Variants in SLC10A7 observed in about 807,000 individuals in gnomAD.
SLC10A7 encodes sodium/bile acid cotransporter 7.
A neutral mutation model predicts 43.2 loss-of-function variants in SLC10A7; 29 were observed. The observed-to-expected ratio is 0.67, with a 90% confidence interval of 0.50 to 0.92. The LOEUF is 0.92. Among genes scored for constraint, SLC10A7 ranks in the 40% least tolerant of loss-of-function variants. SLC10A7 has a pLI of 0.00. For missense variants in SLC10A7, 295 were observed against 403.2 expected, an observed-to-expected ratio of 0.73 and a Z score of 2.30; for synonymous variants, 152 against 144.8, an observed-to-expected ratio of 1.05 and a Z score of -0.35.
In SLC10A7 at chr4:146,414,689, T is replaced by C. The variant is rs965039260; in HGVS notation, c.435+28094A>G. On this transcript the variant is annotated intron_variant, in intron 5 of 11. Transcript: ENST00000335472. The stretch of plus-strand genomic sequence containing the variant: ...AGTGGGCCGAGGTTATACCACTGCA[T>C]ACCAGCCTGGGAGAAAAAGCAAGAC... Among the ~76,000 whole-genome samples the C allele has an allele frequency of 4.0e-5, 6 of 149,284 alleles. No individual in the cohort carries two copies. In the Admixed American group the frequency reaches 4.0e-4, roughly 10 times the overall value.
chr4:146,320,464 G>A (rs1453643017), intron 6 of SLC10A7, among the ~76,000 whole-genome samples: 1 of 152,024 alleles, frequency 6.6e-6, no homozygotes, highest in African/African-American at 2.4e-5. Flanking sequence ...GGCCATTCCA[G>A]TGAAGAACTT....
Position 146,506,840 on chromosome 4 carries a change from T to C in SLC10A7, c.321-2916A>G, listed in dbSNP as rs116420595. ...CAATCTTTAGGAATACTTTCAAGTTTATATTTTTTAGCCCTAACTACAATT... is the reference window on the plus strand; with the variant it reads ...CAATCTTTAGGAATACTTTCAAGTTCATATTTTTTAGCCCTAACTACAATT... On this transcript the variant is annotated intron_variant, in intron 3 of 11. Coordinates refer to ENST00000335472, the MANE Select transcript of SLC10A7 (RefSeq NM_001029998.6). Among the ~76,000 whole-genome samples the C allele has an allele frequency of 3.3e-3, 504 of 152,316 alleles. 1 individual carries two copies. The highest frequency in any genetic ancestry group is 0.012 in the African/African-American group (486 of 41,568).
chr4:146,385,766 A>G (rs1385676261), intron 5 of SLC10A7, among the ~76,000 whole-genome samples: 1 of 152,108 alleles, frequency 6.6e-6, no homozygotes, highest in Non-Finnish European at 1.5e-5. Flanking sequence ...TCCCGACTCT[A>G]GTAGTCCCCA....
At chr4:146,424,830 G>A (rs532913444) in intron 5 of SLC10A7, among the ~76,000 whole-genome samples, 4 of 152,156 alleles carry the variant, frequency 2.6e-5, no homozygotes, top group South Asian at 2.1e-4. Flanking sequence ...ATATGAAGTT[G>A]TATTTATTTT....
intron 6 of SLC10A7, among the ~76,000 whole-genome samples, chr4:146,308,744 C>T (rs1731757089): frequency 6.6e-6 from 1 of 152,120 alleles, no homozygotes; most frequent in South Asian, 2.1e-4. Context: ...TAAGATACAG[C>T]ATGTTAAGCA....
intron 6 of SLC10A7, among the ~76,000 whole-genome samples, chr4:146,310,334 T>C (rs1731882899): frequency 6.6e-6 from 1 of 152,198 alleles, no homozygotes; most frequent in Non-Finnish European, 1.5e-5. Context: ...TTTGGATATA[T>C]ATGCAGTAAT....
At chr4:146,417,418 A>C (rs1336001838) in intron 5 of SLC10A7, among the ~76,000 whole-genome samples, 1 of 152,218 alleles carries the variant, frequency 6.6e-6, no homozygotes, top group Non-Finnish European at 1.5e-5. Context: ...CTATGTGGAG[A>C]ATAGAATGAA....
intron 4 of SLC10A7, among the ~76,000 whole-genome samples, chr4:146,457,079 C>T (rs1732128526): frequency 1.3e-5 from 2 of 151,878 alleles, no homozygotes; most frequent in African/African-American, 4.8e-5. Flanking sequence ...GCAAAAGCAG[C>T]CATAGGCAAT....
chr4:146,438,769 G>A (rs1359770520), intron 5 of SLC10A7, among the ~76,000 whole-genome samples: 1 of 151,920 alleles, frequency 6.6e-6, no homozygotes, highest in Admixed American at 6.6e-5. Context: ...TCTAAATTTA[G>A]TTTGGCGAAT....
chr4:146,342,164 T>C (rs1021963217), intron 5 of SLC10A7, among the ~76,000 whole-genome samples: 1 of 151,808 alleles, frequency 6.6e-6, no homozygotes, highest in African/African-American at 2.4e-5. Context: ...TTTTCCCACT[T>C]CTCTATATTT....
At chr4:146,471,884 C>T (rs74631756) in intron 4 of SLC10A7, among the ~76,000 whole-genome samples, 2 of 152,112 alleles carry the variant, frequency 1.3e-5, no homozygotes, top group African/African-American at 2.4e-5. Flanking sequence ...CATTAAAAAC[C>T]TTGACTAAAC....
chr4:146,260,462 G>C (rs1304178247), intron 10 of SLC10A7, among the ~76,000 whole-genome samples: 1 of 152,144 alleles, frequency 6.6e-6, no homozygotes, highest in Non-Finnish European at 1.5e-5. Context: ...GCTAACCCCA[G>C]ATTTGAGGAC....
chr4:146,303,890 T>A (rs1247582810), intron 7 of SLC10A7, among the ~76,000 whole-genome samples: 1 of 151,944 alleles, frequency 6.6e-6, no homozygotes, highest in Non-Finnish European at 1.5e-5. Context: ...ATTTAATAAA[T>A]TATGAACCTA....
At chr4:146,299,324 A>C (rs1267927192) in intron 7 of SLC10A7, among the ~76,000 whole-genome samples, 1 of 152,250 alleles carries the variant, frequency 6.6e-6, no homozygotes, top group Non-Finnish European at 1.5e-5. Context: ...GAGGTGACTC[A>C]GTGGATTAAA....
intron 2 of SLC10A7, chr4:146,515,129 G>A (rs759462514): frequency 4.8e-5 from 34 of 702,046 alleles, no homozygotes; most frequent in African/African-American, 1.6e-4. Context: ...TGGCTGCTTC[G>A]CAGAATCGCA....
chr4:146,333,704 A>T (rs966188787), intron 5 of SLC10A7, among the ~76,000 whole-genome samples: 20 of 152,280 alleles, frequency 1.3e-4, no homozygotes, highest in African/African-American at 4.6e-4. Context: ...CTAGTAATCC[A>T]TGGTAAGGAG....
At position 146,504,599 on chromosome 4, in the gene SLC10A7, G is replaced by A. The variant is rs1027902293; in HGVS notation, c.321-675C>T. Among the ~76,000 whole-genome samples, 5 of 151,794 alleles carry A rather than the reference G, an allele frequency of 3.3e-5. No individual in the cohort carries two copies. In the South Asian group the frequency reaches 1.0e-3, roughly 32 times the overall value. On this transcript the variant is annotated intron_variant, in intron 3 of 11. Coordinates refer to ENST00000335472, the MANE Select transcript of SLC10A7 (RefSeq NM_001029998.6). ...GTATATAGTCTTAGGTTATTTTTAGGTAAAGTGAAAAATATTTTCCCTACA... is the reference window on the plus strand; with the variant it reads ...GTATATAGTCTTAGGTTATTTTTAGATAAAGTGAAAAATATTTTCCCTACA...
intron 5 of SLC10A7, among the ~76,000 whole-genome samples, chr4:146,391,120 T>TA (rs1478718558): frequency 2.0e-5 from 3 of 152,154 alleles, no homozygotes; most frequent in South Asian, 4.1e-4. Flanking sequence ...CTTGACTTAT[T>TA]AAAAAAACTG....
At chr4:146,355,589 C>T (rs1262898981) in intron 5 of SLC10A7, among the ~76,000 whole-genome samples, 10 of 151,718 alleles carry the variant, frequency 6.6e-5, no homozygotes, top group Admixed American at 1.3e-4. Flanking sequence ...CACATGCACA[C>T]GTATGTTTAT....
Sources: allele counts gnomAD v4.1 joint callset (sites outside exome capture counted in the v4.1 genomes callset), GRCh38; gene constraint gnomAD v4.1.1; transcripts MANE v1.5; gene names NCBI Gene and HGNC (gene_info 2026-07-23, HGNC 2026-07-21).